Variants in IPP observed in about 807,000 individuals in gnomAD.
IPP encodes actin-binding protein IPP.
Under a neutral mutation model 64.1 loss-of-function variants are expected in IPP, and 41 were observed. The observed-to-expected ratio is 0.64, with a 90% confidence interval of 0.50 to 0.83. The LOEUF is 0.83. IPP is among the 40% of genes least tolerant of loss of function. The pLI is 0.00. For missense variants in IPP, 649 were observed against 703.0 expected, an observed-to-expected ratio of 0.92 and a Z score of 0.87; for synonymous variants, 214 against 235.2, an observed-to-expected ratio of 0.91 and a Z score of 0.83.
intron 3 of IPP, among the ~76,000 whole-genome samples, chr1:45,740,433 C>T (rs562400475): frequency 1.5e-3 from 227 of 152,138 alleles, no homozygotes; most frequent in Non-Finnish European, 2.4e-3. Context: ...CCGGACGGGG[C>T]GGCTGGCCGG....
At chr1:45,698,373 C>A (rs1457974673), downstream of IPP, among the ~76,000 whole-genome samples, 1 of 152,178 alleles carries the variant, frequency 6.6e-6, no homozygotes, top group Non-Finnish European at 1.5e-5. Context: ...TTAAAAGTAA[C>A]CGCATCATAC....
At chr1:45,736,189 C>T (rs1167698033) in intron 3 of IPP, among the ~76,000 whole-genome samples, 1 of 151,798 alleles carries the variant, frequency 6.6e-6, no homozygotes, top group African/African-American at 2.4e-5. Context: ...AACTCCTGGT[C>T]TCAAGTGATC....
downstream of IPP, among the ~76,000 whole-genome samples, chr1:45,696,404 C>T (rs1645388577): frequency 6.6e-6 from 1 of 152,218 alleles, no homozygotes; most frequent in Non-Finnish European, 1.5e-5. Flanking sequence ...AATCCTACTA[C>T]AGTTTGGTAA....
At chr1:45,701,017 A>G (rs1645443386) in intron 8 of IPP, among the ~76,000 whole-genome samples, 1 of 152,328 alleles carries the variant, frequency 6.6e-6, no homozygotes, top group South Asian at 2.1e-4. Flanking sequence ...TGCAGAACAT[A>G]TTTTCAAAAA....
At chr1:45,732,889 TCTC>T (rs1002429184) in intron 3 of IPP, among the ~76,000 whole-genome samples, 2 of 151,826 alleles carry the variant, frequency 1.3e-5, no homozygotes, top group African/African-American at 4.8e-5. Flanking sequence ...ATGGTCTCAA[TCTC>T]CTGACCTCGT....
chr1:45,715,176 C>T (rs1465092412), intron 7 of IPP, among the ~76,000 whole-genome samples: 1 of 122,128 alleles, frequency 8.2e-6, no homozygotes, highest in Non-Finnish European at 1.6e-5. Context: ...GCCTGGGCAA[C>T]AGAGCCAGAC....
intron 2 of IPP, among the ~76,000 whole-genome samples, chr1:45,743,473 G>A (rs989120822): frequency 6.6e-6 from 1 of 151,996 alleles, no homozygotes; most frequent in African/African-American, 2.4e-5. Context: ...CAGCTACTAG[G>A]GAGGCTGAGG....
In IPP at chr1:45,748,969, C is replaced by CAA. The variant is rs531462356; in HGVS notation, c.-51+1626_-51+1627dup. Among the ~76,000 whole-genome samples the CAA allele has an allele frequency of 6.8e-3, 667 of 97,448 alleles. 10 individuals carry two copies. The highest frequency in any genetic ancestry group is 0.023 in the African/African-American group (572 of 24,552). The allele number at this position is 97,448 out of a possible 152,430, so 63.9% of individuals were successfully genotyped here. A position where few individuals can be genotyped will look rare whatever the true frequency, so the allele number is the denominator to read the frequency against. ...CCTGGGCAACAGAGAGACTCCGTCT[C>CAA]AAAAAAAAAAAAGGAAAAAAAGGGG... On this transcript the variant is annotated intron_variant, in intron 1 of 8. Coordinates refer to ENST00000396478, the MANE Select transcript of IPP (RefSeq NM_005897.3).
chr1:45,738,139 G>A (rs1461534164), intron 3 of IPP, among the ~76,000 whole-genome samples: 1 of 152,130 alleles, frequency 6.6e-6, no homozygotes, highest in African/African-American at 2.4e-5. Flanking sequence ...CATGGATAAA[G>A]GGGGACTACT....
intron 2 of IPP, among the ~76,000 whole-genome samples, chr1:45,745,353 T>C (rs1219309491): frequency 6.6e-6 from 1 of 152,286 alleles, no homozygotes; most frequent in Non-Finnish European, 1.5e-5. Context: ...TGTAAATACA[T>C]ATAAGTTTTT....
At chr1:45,728,173 T>TGTGTG (rs1645858765) in intron 4 of IPP, among the ~76,000 whole-genome samples, 1 of 142,314 alleles carries the variant, frequency 7.0e-6, no homozygotes, top group Non-Finnish European at 1.5e-5. Context: ...TGTGTGTGTG[T>TGTGTG]TTGAGGCAGG....
At chr1:45,740,400 C>T (rs1438623105) in intron 3 of IPP, among the ~76,000 whole-genome samples, 12 of 151,856 alleles carry the variant, frequency 7.9e-5, no homozygotes, top group African/African-American at 2.7e-4. Flanking sequence ...TAGGGGCGGC[C>T]GGGCAGAGGC....
intron 4 of IPP, 97 bp from the exon 5 acceptor site, chr1:45,727,895 A>G: frequency 1.1e-6 from 1 of 918,870 alleles, no homozygotes; most frequent in Non-Finnish European, 1.5e-6. Context: ...TGGTTTAGAA[A>G]TTACTTTCTC....
At chr1:45,721,971 A>T (rs1645738712) in intron 5 of IPP, among the ~76,000 whole-genome samples, 1 of 152,200 alleles carries the variant, frequency 6.6e-6, no homozygotes, top group Admixed American at 6.5e-5. Context: ...TGGGAGGCTG[A>T]GGCAGGAGAA....
downstream of IPP, among the ~76,000 whole-genome samples, chr1:45,698,238 G>A (rs1402657293): frequency 6.6e-6 from 1 of 152,110 alleles, no homozygotes; most frequent in Non-Finnish European, 1.5e-5. Context: ...GTTGCAGTGA[G>A]CCGAGATCAC....
chr1:45,698,114 C>A (rs1645402914), downstream of IPP: 1 of 151,754 alleles, frequency 6.6e-6, no homozygotes, highest in African/African-American at 2.4e-5. Context: ...ACCAGCCTGG[C>A]CAACATGGTG....
chr1:45,697,677 G>A (rs1248952759), downstream of IPP, among the ~76,000 whole-genome samples: 1 of 152,010 alleles, frequency 6.6e-6, no homozygotes, highest in Non-Finnish European at 1.5e-5. Flanking sequence ...ATGGGAAATC[G>A]GCAGAGTGCG....
At chr1:45,702,477 C>T (rs185768532) in intron 8 of IPP, among the ~76,000 whole-genome samples, 78 of 152,226 alleles carry the variant, frequency 5.1e-4, no homozygotes, top group Non-Finnish European at 8.5e-4. Context: ...TCATTTGAGA[C>T]GGAGTCTCAC....
intron 5 of IPP, among the ~76,000 whole-genome samples, chr1:45,726,973 G>A (rs1223857557): frequency 6.6e-6 from 1 of 152,092 alleles, no homozygotes; most frequent in African/African-American, 2.4e-5. Context: ...TGATCTGCCT[G>A]TCTCAGCCTC....
Sources: gnomAD v4.1 joint callset for allele counts (sites outside exome capture counted in the v4.1 genomes callset) on GRCh38, gnomAD v4.1.1 for gene constraint, MANE v1.5 for transcripts, NCBI Gene and HGNC (gene_info 2026-07-23, HGNC 2026-07-21) for gene names.